The following SPAG9 variants were observed in gnomAD, a reference collection of about 807,000 sequenced individuals.
SPAG9 encodes sperm associated antigen 9.
A neutral mutation model predicts 166.5 loss-of-function variants in SPAG9; 35 were observed. The observed-to-expected ratio is 0.21, with a 90% CI of 0.16 to 0.28. The LOEUF (loss-of-function observed/expected upper bound fraction) is 0.28. SPAG9 is among the 10% of genes least tolerant of loss of function. The pLI is 1.00. For synonymous variants in SPAG9, 534 were observed against 565.5 expected (o/e 0.94, Z 0.79); for missense variants, 1,235 against 1,603.3 (o/e 0.77, Z 3.92).
chr17:51,098,968 C>T (rs1190937401), intron 1 of SPAG9, among the ~76,000 whole-genome samples: 1 of 151,946 alleles, frequency 6.6e-6, no homozygotes, highest in Non-Finnish European at 1.5e-5. Context: ...AGTGTGGCGG[C>T]GCTTGCCTGT....
At chr17:51,089,357 G>C (rs1164080663) in intron 1 of SPAG9, among the ~76,000 whole-genome samples, 3 of 151,710 alleles carry the variant, frequency 2.0e-5, no homozygotes, top group Non-Finnish European at 2.9e-5. Context: ...CCAAGAGGTA[G>C]AGGTTGCACT....
Position 50,964,665 on chromosome 17 carries a change from G to T in SPAG9, c.*1607C>A, listed in dbSNP as rs1973269615. 2.3e-6 allele frequency: 1 copy of T among 431,770 alleles called. No individual in the cohort carries two copies. The highest frequency in any genetic ancestry group is 4.7e-6 in the Non-Finnish European group (1 of 214,066). The allele number at this position is 431,770 out of a possible 1,614,324, so 26.7% of individuals were successfully genotyped here. A position where few individuals can be genotyped will look rare whatever the true frequency, so the allele number is the denominator to read the frequency against. On this transcript the variant is annotated 3_prime_UTR_variant, in exon 30 of 30. Coordinates refer to ENST00000262013, the MANE Select transcript of SPAG9 (RefSeq NM_001130528.3). ...AGGGTAAATCACACATTTTCAAGAA[G>T]CTTGAGAGGGAAAAAATTGCAGCAT...
At chr17:51,073,354 G>C (rs932133653) in intron 2 of SPAG9, among the ~76,000 whole-genome samples, 4 of 151,916 alleles carry the variant, frequency 2.6e-5, no homozygotes, top group Non-Finnish European at 5.9e-5. Context: ...GCCACGTGTG[G>C]TGGCATGTGC....
intron 2 of SPAG9, among the ~76,000 whole-genome samples, chr17:51,075,832 A>G (rs1407885170): frequency 6.6e-6 from 1 of 151,278 alleles, no homozygotes; most frequent in Non-Finnish European, 1.5e-5. Flanking sequence ...TCTGAGAAAA[A>G]AAGAAAAAGA....
In SPAG9 at chr17:50,965,605, T is replaced by C. The variant is rs1387749574; in HGVS notation, c.*667A>G. 1 of 152,162 alleles carries C rather than the reference T, an allele frequency of 6.6e-6. No homozygotes were observed. Among genetic ancestry groups the C allele is most frequent in the African/African-American group, 2.4e-5 (1 of 41,448 alleles). 9.4% of individuals were successfully genotyped at this position (152,162 alleles called of 1,614,324 possible). ...AGAATATTCAGAGAAGTAGGCCTCA[T>C]AAACTTTAGAGCTCTAATAAGTCAG... On this transcript the variant is annotated 3_prime_UTR_variant, in exon 30 of 30. Coordinates refer to ENST00000262013, the MANE Select transcript of SPAG9 (RefSeq NM_001130528.3).
At chr17:50,994,563 C>T (rs1039580921) in intron 18 of SPAG9, among the ~76,000 whole-genome samples, 1 of 152,120 alleles carries the variant, frequency 6.6e-6, no homozygotes, top group Non-Finnish European at 1.5e-5. Context: ...CTAGCCTGGT[C>T]AACACAGTGA....
intron 12 of SPAG9, among the ~76,000 whole-genome samples, 178 bp from the exon 13 acceptor site, chr17:51,002,023 A>G (rs1457900534): frequency 6.6e-6 from 1 of 152,066 alleles, no homozygotes; most frequent in Non-Finnish European, 1.5e-5. Flanking sequence ...TTTTAAAAAA[A>G]TATATTTTTT....
chr17:50,971,671 A>C (rs569885633), intron 28 of SPAG9, among the ~76,000 whole-genome samples: 5 of 152,072 alleles, frequency 3.3e-5, no homozygotes, highest in African/African-American at 1.2e-4. Flanking sequence ...CGTGTTAGCC[A>C]GGATGGTCTC....
Position 51,107,100 on chromosome 17 carries a change from CAAA to C in SPAG9, c.303+13251_303+13253del, listed in dbSNP as rs527593488. ...CTGGGCAAGAGCGAGTGCTCCATCT[CAAA>C]AAAAAAAAAAAAAGAAAAAGAACAG... On this transcript the variant is annotated intron_variant, in intron 1 of 29. Transcript: ENST00000262013. Among the ~76,000 whole-genome samples, 13 of 87,822 alleles carry C rather than the reference CAAA, an allele frequency of 1.5e-4. No individual in the cohort carries two copies. In the East Asian group the frequency reaches 2.5e-3, roughly 17 times the overall value. The allele number at this position is 87,822 out of a possible 152,430, so 57.6% of individuals were successfully genotyped here. A position where few individuals can be genotyped will look rare whatever the true frequency, so the allele number is the denominator to read the frequency against.
chr17:51,005,211 C>T lies in SPAG9; in HGVS notation c.1476+1G>A, dbSNP rs2045154979. On this transcript the variant is annotated splice_donor_variant, in intron 12 of 29. Transcript: ENST00000262013. LOFTEE classifies it high-confidence loss of function. Reference sequence around the variant, plus strand: ...AAAAAAGTCCAAAATTGTAAACCTACATCATCGTCATCTTTTGCTTTTTGC... The same window carrying T: ...AAAAAAGTCCAAAATTGTAAACCTATATCATCGTCATCTTTTGCTTTTTGC... 1 of 1,613,846 alleles carries T rather than the reference C, an allele frequency of 6.2e-7. No homozygotes were observed. The highest frequency in any genetic ancestry group is 8.5e-7 in the Non-Finnish European group (1 of 1,179,808).
chr17:51,032,730 G>A (rs2046428387), intron 5 of SPAG9, among the ~76,000 whole-genome samples: 1 of 152,032 alleles, frequency 6.6e-6, no homozygotes, highest in Non-Finnish European at 1.5e-5. Flanking sequence ...GAGGTCGGGA[G>A]TCCAAGGCCA....
intron 5 of SPAG9, among the ~76,000 whole-genome samples, chr17:51,037,010 C>T (rs2046613232): frequency 6.6e-6 from 1 of 152,180 alleles, no homozygotes; most frequent in Non-Finnish European, 1.5e-5. Flanking sequence ...CCAATTCCTT[C>T]ATTTGTAGCT....
chr17:51,020,297 T>C (rs772014833), intron 7 of SPAG9, 39 bp from the exon 8 acceptor site: 2 of 1,284,690 alleles, frequency 1.6e-6, no homozygotes, highest in South Asian at 2.4e-5. Flanking sequence ...ATACATATAT[T>C]ACACAGTACC....
intron 28 of SPAG9, among the ~76,000 whole-genome samples, chr17:50,973,198 C>G (rs12451849): frequency 6.6e-6 from 1 of 152,128 alleles, no homozygotes; most frequent in East Asian, 1.9e-4. Flanking sequence ...TCCAAAACCA[C>G]AAAACAATCA....
chr17:51,081,238 TA>T (rs1313923869), intron 1 of SPAG9, among the ~76,000 whole-genome samples: 3 of 152,064 alleles, frequency 2.0e-5, no homozygotes, highest in African/African-American at 7.2e-5. Context: ...GAGGATTCTT[TA>T]AAAAGTCAGC....
At chr17:51,063,298 G>A (rs1400304595) in intron 2 of SPAG9, among the ~76,000 whole-genome samples, 1 of 151,774 alleles carries the variant, frequency 6.6e-6, no homozygotes, top group Non-Finnish European at 1.5e-5. Flanking sequence ...TGTAATCTCA[G>A]CTACTTGGGA....
At chr17:51,016,887 C>T (rs1265397721) in intron 8 of SPAG9, among the ~76,000 whole-genome samples, 3 of 151,932 alleles carry the variant, frequency 2.0e-5, no homozygotes, top group East Asian at 1.9e-4. Flanking sequence ...GGCGACAAAG[C>T]GAGACTCCGT....
chr17:51,007,258 C>T lies in SPAG9; in HGVS notation c.1271+11G>A, dbSNP rs371033283. On this transcript the variant is annotated intron_variant, in intron 10 of 29. Transcript: ENST00000262013. ...TTCTTTATCTTCTGTTAAAATTTCACATATACTTACTTGGTTTCCAACAGT... is the reference window on the plus strand; with the variant it reads ...TTCTTTATCTTCTGTTAAAATTTCATATATACTTACTTGGTTTCCAACAGT... 7 of 1,492,828 alleles carry T rather than the reference C, an allele frequency of 4.7e-6. No individual in the cohort carries two copies. Among genetic ancestry groups the T allele is most frequent in the Non-Finnish European group, 6.5e-6 (7 of 1,081,292 alleles). 92.5% of individuals were successfully genotyped at this position (1,492,828 alleles called of 1,614,324 possible).
Position 51,053,852 on chromosome 17 carries a change from AAAGTATAT to A in SPAG9, c.495+2552_495+2559del, listed in dbSNP as rs1343898072. ...GACCCTAATTAAAAAAAAAAAAAAAAAAGTATATATATATATATATATATATATATATA... is the reference window on the plus strand; with the variant it reads ...GACCCTAATTAAAAAAAAAAAAAAAAATATATATATATATATATATATATA... On this transcript the variant is annotated intron_variant, in intron 3 of 29. Coordinates refer to ENST00000262013, the MANE Select transcript of SPAG9 (RefSeq NM_001130528.3). Among the ~76,000 whole-genome samples, 24 of 49,312 alleles carry A rather than the reference AAAGTATAT, an allele frequency of 4.9e-4. 1 individual carries two copies. Among genetic ancestry groups the A allele is most frequent in the East Asian group, 2.5e-3 (4 of 1,600 alleles). The allele number at this position is 49,312 out of a possible 152,430, so 32.4% of individuals were successfully genotyped here. A position where few individuals can be genotyped will look rare whatever the true frequency, so the allele number is the denominator to read the frequency against.
Sources: allele counts gnomAD v4.1 joint callset (sites outside exome capture counted in the v4.1 genomes callset), GRCh38; gene constraint gnomAD v4.1.1; transcripts MANE v1.5; gene names NCBI Gene and HGNC (gene_info 2026-07-23, HGNC 2026-07-21).